The following COG5 variants were observed in gnomAD, a reference collection of about 807,000 sequenced individuals.
The protein encoded by COG5 is component of oligomeric golgi complex 5.
Under a neutral mutation model 110.4 loss-of-function variants are expected in COG5, and 86 were observed. That is an observed-to-expected ratio of 0.78 (90% CI 0.65 to 0.93). COG5 has a LOEUF of 0.93. COG5 is among the 40% of genes least tolerant of loss of function. The pLI, the probability that COG5 is intolerant of heterozygous loss-of-function variation, is 0.00. For synonymous variants in COG5, 360 were observed against 334.6 expected (o/e 1.08, Z -0.83); for missense variants, 1,077 against 987.0 (o/e 1.09, Z -1.22).
At chr7:107,464,098 T>C (rs1332348210) in intron 6 of COG5, among the ~76,000 whole-genome samples, 1 of 151,794 alleles carries the variant, frequency 6.6e-6, no homozygotes, top group East Asian at 1.9e-4. Flanking sequence ...ATAGAGGGGG[T>C]AGAGAAAAAT....
At chr7:107,210,383 T>C in intron 21 of COG5, 143 bp downstream of exon 21, 1 of 1,465,280 alleles carries the variant, frequency 6.8e-7, no homozygotes, top group South Asian at 1.4e-5. Flanking sequence ...CCAGCACCCG[T>C]GCCTAGGCAG....
At chr7:107,432,439 A>C (rs763782082) in intron 6 of COG5, among the ~76,000 whole-genome samples, 4 of 152,334 alleles carry the variant, frequency 2.6e-5, no homozygotes, top group Non-Finnish European at 5.9e-5. Context: ...GTGGAAGTTA[A>C]CAGGATAGTA....
intron 18 of COG5, 68 bp from the exon 19 acceptor site, chr7:107,230,759 G>C: frequency 8.0e-7 from 1 of 1,246,514 alleles, no homozygotes; most frequent in Non-Finnish European, 1.2e-6. Flanking sequence ...GAAAGACCCG[G>C]ATCACAGAAA....
At chr7:107,378,646 G>A (rs1814834879) in intron 7 of COG5, among the ~76,000 whole-genome samples, 2 of 152,080 alleles carry the variant, frequency 1.3e-5, no homozygotes, top group Admixed American at 1.3e-4. Flanking sequence ...ATCAACAGCC[G>A]AAACGATCAA....
intron 6 of COG5, among the ~76,000 whole-genome samples, chr7:107,455,699 T>A (rs4727681): frequency 6.6e-6 from 1 of 151,946 alleles, no homozygotes; most frequent in African/African-American, 2.4e-5. Flanking sequence ...CATAAATTTG[T>A]ATAGTTTATG....
chr7:107,421,765 CAAAA>C (rs202025992), intron 6 of COG5, among the ~76,000 whole-genome samples: 1 of 120,284 alleles, frequency 8.3e-6, no homozygotes, highest in Admixed American at 8.8e-5. Flanking sequence ...GACTCCGTCT[CAAAA>C]AAAAAAAAAA....
At chr7:107,517,337 G>C (rs1230930888) in intron 6 of COG5, among the ~76,000 whole-genome samples, 2 of 152,040 alleles carry the variant, frequency 1.3e-5, no homozygotes, top group African/African-American at 4.8e-5. Context: ...GGAGAAATAT[G>C]GAACTATGTA....
chr7:107,219,771 C>T (rs780558140), intron 19 of COG5, among the ~76,000 whole-genome samples: 51 of 152,150 alleles, frequency 3.4e-4, no homozygotes, highest in Non-Finnish European at 6.0e-4. Context: ...CACAACATGA[C>T]GACTATAGTT....
intron 14 of COG5, among the ~76,000 whole-genome samples, 200 bp downstream of exon 14, chr7:107,281,100 T>A (rs1805127211): frequency 6.6e-6 from 1 of 152,074 alleles, no homozygotes; most frequent in Admixed American, 6.5e-5. Flanking sequence ...TGAAAGTGTA[T>A]TGACAATGTG....
intron 11 of COG5, among the ~76,000 whole-genome samples, chr7:107,309,960 T>A (rs536673304): frequency 1.3e-5 from 2 of 152,320 alleles, no homozygotes; most frequent in African/African-American, 2.4e-5. Flanking sequence ...TTCAGTTTTT[T>A]AAAAATATAA....
At chr7:107,255,240 T>C (rs549934199) in intron 16 of COG5, among the ~76,000 whole-genome samples, 3 of 152,272 alleles carry the variant, frequency 2.0e-5, no homozygotes, top group South Asian at 2.1e-4. Context: ...TTTATGATCA[T>C]TGATACATAT....
At chr7:107,286,122 G>C (rs1185625827) in intron 12 of COG5, among the ~76,000 whole-genome samples, 1 of 151,584 alleles carries the variant, frequency 6.6e-6, no homozygotes, top group Non-Finnish European at 1.5e-5. Flanking sequence ...TAGATTTTCA[G>C]GGAAATTGCT....
intron 18 of COG5, 83 bp from the exon 19 acceptor site, chr7:107,230,774 T>C (rs1800720833): frequency 3.8e-6 from 4 of 1,057,354 alleles, no homozygotes; most frequent in Non-Finnish European, 5.9e-6. Flanking sequence ...CAGAAAGTTG[T>C]AGCTTGCAGT....
intron 7 of COG5, among the ~76,000 whole-genome samples, chr7:107,405,745 A>G (rs1021315293): frequency 6.6e-6 from 1 of 152,036 alleles, no homozygotes; most frequent in Admixed American, 6.6e-5. Flanking sequence ...ATGAAATCCT[A>G]ACTGCCAAGG....
At chr7:107,405,543 C>A (rs76552977) in intron 7 of COG5, among the ~76,000 whole-genome samples, 2,856 of 152,286 alleles carry the variant, frequency 0.019, 89 homozygotes, top group African/African-American at 0.064. Context: ...CTGAGGAAGA[C>A]AGACACACAC....
At chr7:107,274,896 G>C (rs907389372) in intron 14 of COG5, among the ~76,000 whole-genome samples, 3 of 151,922 alleles carry the variant, frequency 2.0e-5, no homozygotes, top group Non-Finnish European at 4.4e-5. Context: ...GTATTGACTT[G>C]CCACAGCCCC....
chr7:107,363,123 G>A (rs181580029), intron 8 of COG5, among the ~76,000 whole-genome samples: 1 of 152,126 alleles, frequency 6.6e-6, no homozygotes, highest in African/African-American at 2.4e-5. Flanking sequence ...ACACAAATAC[G>A]TAACAGGAAT....
At chr7:107,419,943 G>A (rs1793161651) in intron 6 of COG5, among the ~76,000 whole-genome samples, 1 of 152,012 alleles carries the variant, frequency 6.6e-6, no homozygotes, top group Non-Finnish European at 1.5e-5. Context: ...ATAACCATAA[G>A]TCTATATTTG....
chr7:107,455,355 A>T (rs979471891), intron 6 of COG5, among the ~76,000 whole-genome samples: 1 of 152,250 alleles, frequency 6.6e-6, no homozygotes, highest in Admixed American at 6.5e-5. Context: ...TTGAAGGTCT[A>T]GATACACTTT....
Sources: allele counts gnomAD v4.1 joint callset (sites outside exome capture counted in the v4.1 genomes callset), GRCh38; gene constraint gnomAD v4.1.1; transcripts MANE v1.5; gene names NCBI Gene and HGNC (gene_info 2026-07-23, HGNC 2026-07-21).